Variants in POR observed in about 807,000 individuals in gnomAD.
POR encodes the protein cytochrome p450 oxidoreductase, also known as NADPH--cytochrome P450 reductase.
POR carries 56 observed loss-of-function variants against 84.0 expected under a neutral mutation model. The ratio of observed to expected loss-of-function variants is 0.67; its 90% CI spans 0.54 to 0.83. POR has a LOEUF of 0.83. POR is among the 40% of genes least tolerant of loss of function. POR has a pLI of 0.00. For missense variants in POR, 938 were observed against 944.3 expected, an observed-to-expected ratio of 0.99 and a Z score of 0.09; for synonymous variants, 414 against 400.5, an observed-to-expected ratio of 1.03 and a Z score of -0.40.
intron 3 of POR, chr7:75,972,887 A>G (rs1398933267): frequency 1.6e-5 from 4 of 246,760 alleles, no homozygotes; most frequent in Non-Finnish European, 3.3e-5. Context: ...CAGTGGCGCA[A>G]TCTCGGTTCA....
intron 10 of POR, among the ~76,000 whole-genome samples, chr7:75,984,193 G>T (rs374035853): frequency 5.6e-4 from 86 of 152,304 alleles, no homozygotes; most frequent in African/African-American, 1.9e-3. Flanking sequence ...ACCTCTGCCG[G>T]CCTGGGGCTG....
intron 2 of POR, among the ~76,000 whole-genome samples, chr7:75,959,013 T>C (rs1787814340): frequency 6.6e-6 from 1 of 152,222 alleles, no homozygotes; most frequent in Non-Finnish European, 1.5e-5. Context: ...GAGGATCATG[T>C]TGACGCTCAA....
At chr7:75,949,282 A>C (rs1423386263) in intron 1 of POR, among the ~76,000 whole-genome samples, 1 of 151,488 alleles carries the variant, frequency 6.6e-6, no homozygotes, top group East Asian at 2.0e-4. Context: ...AGCCTCCCCA[A>C]GTAGCTGGGA....
rs890602762 is a variant in POR, at chr7:75,975,016, A to C, written c.237+2555A>C. Among the ~76,000 whole-genome samples the C allele has an allele frequency of 1.4e-4, 21 of 152,184 alleles. 2 individuals carry two copies. Among genetic ancestry groups the C allele is most frequent in the Admixed American group, 1.4e-3 (21 of 15,268 alleles). ...CTCTTAAAAAAAAGTTTGTCTTTCAACCTAGCTGATCGCATTTTTATTTGT... is the reference window on the plus strand; with the variant it reads ...CTCTTAAAAAAAAGTTTGTCTTTCACCCTAGCTGATCGCATTTTTATTTGT... On this transcript the variant is annotated intron_variant, in intron 3 of 15. Transcript: ENST00000461988.
intron 1 of POR, among the ~76,000 whole-genome samples, chr7:75,953,284 G>C (rs1326002059): frequency 2.7e-5 from 4 of 146,204 alleles, no homozygotes; most frequent in African/African-American, 7.7e-5. Flanking sequence ...GTCCAGCTTC[G>C]GCTGGGCATC....
Position 75,985,614 on chromosome 7 carries a change from TG to T in POR, c.1435del (p.Val479TrpfsTer66). 1 of 1,584,136 alleles carries T rather than the reference TG, an allele frequency of 6.3e-7. No homozygotes were observed. The highest frequency in any genetic ancestry group is 8.6e-7 in the Non-Finnish European group (1 of 1,163,968). On this transcript the variant is annotated frameshift_variant, in exon 13 of 16. Coordinates refer to ENST00000461988, the MANE Select transcript of POR (RefSeq NM_000941.3). LOFTEE classifies it high-confidence loss of function. ...ACTCTGTGCACATCTGTGCGGTGGT[TG>T]TGGAGTACGAGACCAAGGCTGGCCG...
chr7:75,972,587 G>A, intron 3 of POR, 126 bp downstream of exon 3: 2 of 897,172 alleles, frequency 2.2e-6, no homozygotes, highest in Non-Finnish European at 3.6e-6. Context: ...AGGGAACGCA[G>A]CCCGGCTCGC....
chr7:75,979,961 A>G (rs1352757137), intron 4 of POR, among the ~76,000 whole-genome samples: 1 of 152,136 alleles, frequency 6.6e-6, no homozygotes, highest in African/African-American at 2.4e-5. Context: ...CAGTTGATGA[A>G]CAGTTTAGTT....
Position 75,985,169 on chromosome 7 carries a change from C to A in POR, c.1360C>A (p.Leu454Met). Reference sequence around the variant, plus strand: ...CCACCTGTGTGAGCTGCTGCCGCGCCTGCAGGCCCGCTACTACTCCATCGC... The same window carrying A: ...CCACCTGTGTGAGCTGCTGCCGCGCATGCAGGCCCGCTACTACTCCATCGC... Residue 454 changes from leucine (L) to methionine (M), a missense_variant, in exon 12 of 16, where the codon CTG (leucine) becomes ATG (methionine). Leu to Met is a conservative substitution (Grantham distance 15, BLOSUM62 2). Coordinates refer to ENST00000461988, the MANE Select transcript of POR (RefSeq NM_000941.3). The A allele has an allele frequency of 6.3e-7, 1 of 1,598,980 alleles. No individual in the cohort carries two copies. The highest frequency in any genetic ancestry group is 8.5e-7 in the Non-Finnish European group (1 of 1,179,220).
chr7:75,986,069 G>A lies in POR; in HGVS notation c.1815+1G>A. 6.4e-7 allele frequency: 1 copy of A among 1,562,716 alleles called. No homozygotes were observed. Among genetic ancestry groups the A allele is most frequent in the East Asian group, 2.4e-5 (1 of 41,614 alleles). ...CTTCTCCCGGGAGCAGTCCCACAAG[G>A]TGAGACGGGCGGGCACCCACGAAGG... On this transcript the variant is annotated splice_donor_variant, in intron 14 of 15. Transcript: ENST00000461988. LOFTEE classifies it high-confidence loss of function.
Position 75,984,802 on chromosome 7 carries a change from C to G in POR, c.1092C>G (p.Phe364Leu). ...AGGAGTCCAACAAGAAGCACCCATT[C>G]CCGTGCCCTACGTCCTACCGCACGG... The change falls in exon 11 of 16, where the codon TTC becomes TTG. Residue 364 changes from phenylalanine (F) to leucine (L), a missense_variant. Transcript: ENST00000461988. The G allele has an allele frequency of 6.2e-7, 1 of 1,612,640 alleles. No individual in the cohort carries two copies. The highest frequency in any genetic ancestry group is 8.5e-7 in the Non-Finnish European group (1 of 1,179,802).
At chr7:75,943,924 G>A in intron 1 of POR, 1 of 452,732 alleles carries the variant, frequency 2.2e-6, no homozygotes, top group South Asian at 1.6e-5. Flanking sequence ...TCTTTTAAGG[G>A]AAATTTGCAA....
At chr7:75,953,955 T>A (rs1554553290) in intron 1 of POR, 34 bp from the exon 2 acceptor site, 1 of 1,513,490 alleles carries the variant, frequency 6.6e-7, no homozygotes, top group Admixed American at 2.0e-5. Context: ...CCTGCTACCC[T>A]CTGCTGACAT....
intron 2 of POR, among the ~76,000 whole-genome samples, chr7:75,962,874 G>A (rs192869441): frequency 2.6e-5 from 4 of 152,284 alleles, no homozygotes; most frequent in Middle Eastern, 3.4e-3. Flanking sequence ...TTTCCTTAGC[G>A]ACACGTCAGC....
chr7:75,936,272 T>TC (rs201233010), intron 1 of POR, among the ~76,000 whole-genome samples: 8 of 142,736 alleles, frequency 5.6e-5, no homozygotes, highest in African/African-American at 2.2e-4. Flanking sequence ...CCTGGATAAT[T>TC]TTTTTTTTTT....
chr7:75,970,632 C>T (rs1788386776), intron 2 of POR, among the ~76,000 whole-genome samples: 1 of 151,882 alleles, frequency 6.6e-6, no homozygotes. Context: ...CAAGTGTCGG[C>T]CACTGAGCTA....
At chr7:75,966,091 C>A (rs763359716) in intron 2 of POR, among the ~76,000 whole-genome samples, 1 of 152,164 alleles carries the variant, frequency 6.6e-6, no homozygotes, top group Non-Finnish European at 1.5e-5. Flanking sequence ...GAAACCCTTG[C>A]GCACTGCACA....
chr7:75,916,513 T>C (rs1806577382), intron 1 of POR, among the ~76,000 whole-genome samples: 1 of 152,142 alleles, frequency 6.6e-6, no homozygotes, highest in African/African-American at 2.4e-5. Flanking sequence ...TTAGGAGTTC[T>C]TATTTTCCTT....
chr7:75,973,385 C>G (rs1788526292), intron 3 of POR, among the ~76,000 whole-genome samples: 1 of 152,058 alleles, frequency 6.6e-6, no homozygotes, highest in African/African-American at 2.4e-5. Flanking sequence ...GCCATCATAG[C>G]TCACTGCAGC....
Sources: allele counts gnomAD v4.1 joint callset (sites outside exome capture counted in the v4.1 genomes callset), GRCh38; gene constraint gnomAD v4.1.1; transcripts MANE v1.5; gene names NCBI Gene and HGNC (gene_info 2026-07-23, HGNC 2026-07-21).